GSDMB: variants seen among roughly 807,000 people sequenced by gnomAD.
The protein encoded by GSDMB is gasdermin B, also known as gasdermin-B.
In GSDMB, 32 loss-of-function variants were observed where a neutral mutation model predicts 42.9. The observed-to-expected ratio is 0.75, with a 90% CI of 0.56 to 1.00. The LOEUF (loss-of-function observed/expected upper bound fraction) is 1.00. GSDMB is among the 50% of genes least tolerant of loss of function. The pLI is 0.00. For synonymous variants in GSDMB, 175 were observed against 193.7 expected, an observed-to-expected ratio of 0.90 and a Z score of 0.80; for missense variants, 468 against 498.5, an observed-to-expected ratio of 0.94 and a Z score of 0.58.
chr17:39,906,048 C>T, intron 8 of GSDMB, 63 bp from the exon 9 acceptor site: 1 of 1,611,152 alleles, frequency 6.2e-7, no homozygotes, highest in Non-Finnish European at 8.5e-7. Context: ...CCTCACTGTG[C>T]CAACTGCCAT....
chr17:39,908,323 TCA>T (rs2063543147), intron 5 of GSDMB, 109 bp from the exon 6 acceptor site: 55 of 124,840 alleles, frequency 4.4e-4, no homozygotes, highest in South Asian at 1.2e-3. Context: ...CAGCCTCCAA[TCA>T]AAAAAAAAAA....
In GSDMB at chr17:39,904,959, T is replaced by C. The variant is rs772282259; in HGVS notation, c.1104A>G (p.Lys368=). 6.8e-6 allele frequency: 11 copies of C among 1,613,066 alleles called. No individual in the cohort carries two copies. The South Asian group carries it at 1.2e-4, about 18-fold the overall frequency. The change falls in exon 11 of 11, where the codon AAA becomes AAG. Residue 368 remains lysine, a synonymous_variant. Coordinates refer to ENST00000418519, the MANE Select transcript of GSDMB (RefSeq NM_001165958.2). ...CATCCCAGTTCTGCTCCATGACAGA[T>C]TTCACCTGGAAGGAAACCCCCCAGA... ...GTLPLLKDQV[K]SVMEQNWDEL... is the part of the protein sequence containing the mutation.
chr17:39,906,669 C>A (rs1028981382), intron 7 of GSDMB: 2 of 1,230,678 alleles, frequency 1.6e-6, no homozygotes, highest in Admixed American at 7.1e-5. Flanking sequence ...GGAGTTATTA[C>A]AAATCCTGAT....
At chr17:39,910,352 C>A (rs2063585807) in intron 3 of GSDMB, among the ~76,000 whole-genome samples, 1 of 152,116 alleles carries the variant, frequency 6.6e-6, no homozygotes, top group African/African-American at 2.4e-5. Context: ...CAAAGTGGGG[C>A]AAGAATTCAC....
chr17:39,917,592 C>A (rs564251389), intron 1 of GSDMB: 11 of 405,340 alleles, frequency 2.7e-5, no homozygotes, highest in East Asian at 1.1e-4. Context: ...TCCCCGCCGC[C>A]GCCCTTAAGA....
Position 39,906,278 on chromosome 17 carries a change from A to G in GSDMB, c.728-7T>C, listed in dbSNP as rs1424999695. The G allele has an allele frequency of 6.2e-7, 1 of 1,613,782 alleles. No individual in the cohort carries two copies. The highest frequency in any genetic ancestry group is 1.1e-5 in the South Asian group (1 of 91,036). On this transcript the variant is annotated splice_region_variant and splice_polypyrimidine_tract_variant and intron_variant, in intron 7 of 10. Coordinates refer to ENST00000418519, the MANE Select transcript of GSDMB (RefSeq NM_001165958.2). ...TCCGAACCCAAAGACTTTCCTGTAG[A>G]GGCAGCAATTGAGAACCTGGGCCAC...
At chr17:39,914,617 G>A (rs1162652457) in intron 2 of GSDMB, among the ~76,000 whole-genome samples, 2 of 151,774 alleles carry the variant, frequency 1.3e-5, no homozygotes, top group Non-Finnish European at 2.9e-5. Context: ...CAAAAAATTT[G>A]CCAGGTGTGG....
chr17:39,910,647 T>G (rs1189836689), intron 3 of GSDMB, among the ~76,000 whole-genome samples: 1 of 152,188 alleles, frequency 6.6e-6, no homozygotes, highest in Non-Finnish European at 1.5e-5. Flanking sequence ...TCCAGCTCCT[T>G]GCGCTGGTCC....
intron 10 of GSDMB, 138 bp from the exon 11 acceptor site, chr17:39,905,102 G>A (rs1049365946): frequency 1.3e-5 from 10 of 747,960 alleles, no homozygotes; most frequent in African/African-American, 5.2e-5. Context: ...TGCAGAGCCC[G>A]GAGAGCTTCA....
At position 39,904,739 on chromosome 17, in the gene GSDMB, A is replaced by C; in HGVS notation, c.*73T>G. 8.2e-7 allele frequency: 1 copy of C among 1,220,688 alleles called. No homozygotes were observed. The highest frequency in any genetic ancestry group is 2.3e-5 in the East Asian group (1 of 42,696). The allele number at this position is 1,220,688 out of a possible 1,614,324, so 75.6% of individuals were successfully genotyped here. On this transcript the variant is annotated 3_prime_UTR_variant, in exon 11 of 11. Coordinates refer to ENST00000418519, the MANE Select transcript of GSDMB (RefSeq NM_001165958.2). ...GAGGTCCCACTGGTGACAGGATGGT[A>C]GTGGCGATGGCAGTGAGGACAGACT...
chr17:39,915,297 A>G (rs1363339756), intron 2 of GSDMB, among the ~76,000 whole-genome samples: 3 of 152,248 alleles, frequency 2.0e-5, no homozygotes, highest in Non-Finnish European at 4.4e-5. Flanking sequence ...CTGCACCATC[A>G]GCATTATACA....
intron 5 of GSDMB, 110 bp from the exon 6 acceptor site, chr17:39,908,324 C>CAAAAAA (rs3076830): frequency 2.8e-4 from 70 of 245,648 alleles, no homozygotes; most frequent in Admixed American, 1.2e-3. Context: ...AGCCTCCAAT[C>CAAAAAA]AAAAAAAAAA....
intron 9 of GSDMB, 133 bp from the exon 10 acceptor site, chr17:39,905,629 C>T (rs2063490769): frequency 4.4e-6 from 4 of 900,618 alleles, no homozygotes; most frequent in Non-Finnish European, 7.2e-6. Context: ...AGACTTACTC[C>T]AAACAGGCCT....
chr17:39,909,150 A>G (rs1427572739), intron 4 of GSDMB, 108 bp from the exon 5 acceptor site: 15 of 674,560 alleles, frequency 2.2e-5, no homozygotes, highest in Non-Finnish European at 1.8e-5. Context: ...CCCATTTTAT[A>G]GACGAGAAAA....
At chr17:39,905,306 A>T (rs1293605221) in intron 10 of GSDMB, 120 bp downstream of exon 10, 16 of 699,132 alleles carry the variant, frequency 2.3e-5, no homozygotes, top group Non-Finnish European at 4.0e-5. Context: ...AGCTGCATGG[A>T]TGTGAGCCGG....
chr17:39,912,011 G>C (rs1035200023), intron 3 of GSDMB, among the ~76,000 whole-genome samples: 1 of 152,066 alleles, frequency 6.6e-6, no homozygotes, highest in African/African-American at 2.4e-5. Flanking sequence ...AACCATCCTG[G>C]GGGACAGCAG....
chr17:39,912,530 C>T (rs764752854), intron 2 of GSDMB, 33 bp from the exon 3 acceptor site: 1 of 1,566,174 alleles, frequency 6.4e-7, no homozygotes, highest in Non-Finnish European at 8.8e-7. Context: ...CACTCTGGAG[C>T]AGACCCCCAA....
rs372700769 is a variant in GSDMB at position 39,917,206 on chromosome 17, G to T, written c.111C>A (p.Phe37Leu). 2 of 1,614,002 alleles carry T rather than the reference G, an allele frequency of 1.2e-6. No individual in the cohort carries two copies. Among genetic ancestry groups the T allele is most frequent in the Non-Finnish European group, 1.7e-6 (2 of 1,179,902 alleles). Reference sequence around the variant, plus strand: ...AAGTTCTCTTCTCCCCCACCAGATGGAAGCAGCGGAATCTATCAGCATCAA... The same window carrying T: ...AAGTTCTCTTCTCCCCCACCAGATGTAAGCAGCGGAATCTATCAGCATCAA... ...SLVDADRFRCFHLVGEKRTFF... is the reference protein window; with the variant it reads ...SLVDADRFRCLHLVGEKRTFF... The change falls in exon 2 of 11, where the codon TTC (phenylalanine) becomes TTA (leucine). Residue 37 changes from phenylalanine to leucine, a missense_variant. Transcript: ENST00000418519.
chr17:39,904,996 A>G (rs946738993), intron 10 of GSDMB, 32 bp from the exon 11 acceptor site: 1 of 1,597,574 alleles, frequency 6.3e-7, no homozygotes. Context: ...TGTAACAGCT[A>G]GGAACAACGA....
Sources: allele counts gnomAD v4.1 joint callset (sites outside exome capture counted in the v4.1 genomes callset), GRCh38; gene constraint gnomAD v4.1.1; transcripts MANE v1.5; gene names NCBI Gene and HGNC (gene_info 2026-07-23, HGNC 2026-07-21).